The following RBFOX1 variants were observed in gnomAD, a reference collection of about 807,000 sequenced individuals.
The protein encoded by RBFOX1 is RNA binding protein fox-1 homolog 1.
A neutral mutation model predicts 57.7 loss-of-function variants in RBFOX1; 8 were observed. That is an observed-to-expected ratio of 0.14 (90% CI 0.08 to 0.25). The LOEUF (loss-of-function observed/expected upper bound fraction) is 0.25. Ranked by LOEUF, RBFOX1 falls within the 10% of genes least tolerant of loss-of-function variation. The pLI, the probability that RBFOX1 is intolerant of heterozygous loss-of-function variation, is 1.00. For synonymous variants in RBFOX1, 326 were observed against 222.4 expected (o/e 1.47, Z -4.15); for missense variants, 611 against 548.5 (o/e 1.11, Z -1.14).
chr16:5,403,962 G>A (rs989728199), intron 1 of RBFOX1, among the ~76,000 whole-genome samples: 2 of 151,664 alleles, frequency 1.3e-5, no homozygotes, highest in Non-Finnish European at 2.9e-5. Flanking sequence ...GACATGCAAT[G>A]ACAAGAAGGA....
At chr16:5,675,346 T>C (rs967023094) in intron 3 of RBFOX1, among the ~76,000 whole-genome samples, 1 of 152,068 alleles carries the variant, frequency 6.6e-6, no homozygotes, top group African/African-American at 2.4e-5. Flanking sequence ...GAGAGACCAT[T>C]TACTACTGAT....
intron 2 of RBFOX1, among the ~76,000 whole-genome samples, chr16:5,544,871 C>G (rs1196815241): frequency 2.0e-5 from 3 of 147,724 alleles, no homozygotes; most frequent in Non-Finnish European, 4.5e-5. Flanking sequence ...AACCCTATAT[C>G]AAGTTTTAGA....
intron 4 of RBFOX1, among the ~76,000 whole-genome samples, chr16:7,194,677 C>A (rs1000459994): frequency 6.6e-6 from 1 of 152,046 alleles, no homozygotes; most frequent in East Asian, 1.9e-4. Context: ...TCTGTAATCC[C>A]AGCAATTTTA....
At chr16:6,670,396 A>T (rs557460033) in intron 3 of RBFOX1, among the ~76,000 whole-genome samples, 95 of 152,248 alleles carry the variant, frequency 6.2e-4, no homozygotes, top group African/African-American at 2.1e-3. Flanking sequence ...AATTTGATCT[A>T]TTCAGATTGA....
At chr16:5,533,472 T>C (rs534933085) in intron 2 of RBFOX1, among the ~76,000 whole-genome samples, 1 of 152,018 alleles carries the variant, frequency 6.6e-6, no homozygotes. Flanking sequence ...TGAACACACA[T>C]TTTTTTCTGA....
At chr16:7,598,721 C>T (rs1409904388) in intron 9 of RBFOX1, among the ~76,000 whole-genome samples, 1 of 151,984 alleles carries the variant, frequency 6.6e-6, no homozygotes. Context: ...TAAGGATACA[C>T]CTGGCATTTT....
chr16:5,453,177 C>T (rs2068480458), intron 1 of RBFOX1, among the ~76,000 whole-genome samples: 1 of 152,172 alleles, frequency 6.6e-6, no homozygotes, highest in African/African-American at 2.4e-5. Context: ...CAAGCTCCTA[C>T]TGTGTCCCAG....
At chr16:7,510,514 C>G (rs879816455) in intron 4 of RBFOX1, among the ~76,000 whole-genome samples, 2 of 137,724 alleles carry the variant, frequency 1.5e-5, no homozygotes, top group African/African-American at 2.9e-5. Flanking sequence ...TGTGTGTGGG[C>G]GCGCGCGCAC....
At chr16:6,885,614 C>T (rs1334544178) in intron 3 of RBFOX1, among the ~76,000 whole-genome samples, 1 of 152,062 alleles carries the variant, frequency 6.6e-6, no homozygotes, top group Non-Finnish European at 1.5e-5. Context: ...TCACTGCCAC[C>T]TCTGCCTCCT....
rs200231867 is a variant in RBFOX1 at position 5,481,270 on chromosome 16, C to T, written c.258+14016C>T. 1.2e-4 allele frequency among the ~76,000 whole-genome samples: 19 copies of T among 152,314 alleles called. No homozygotes were observed. In the East Asian group the frequency reaches 3.7e-3, roughly 29 times the overall value. On this transcript the variant is annotated intron_variant, in intron 2 of 2. Transcript: ENST00000585867. ...GGTCTTCTCTTGAGCATCTTCACCCCAGCATAATGTCTGGTTTCTTGTTGA... is the reference window on the plus strand; with the variant it reads ...GGTCTTCTCTTGAGCATCTTCACCCTAGCATAATGTCTGGTTTCTTGTTGA...
At chr16:5,315,019 CTG>C (rs2064196829) in intron 1 of RBFOX1, among the ~76,000 whole-genome samples, 1 of 152,130 alleles carries the variant, frequency 6.6e-6, no homozygotes, top group African/African-American at 2.4e-5. Flanking sequence ...TTGGGGGCCT[CTG>C]TGAGATGCCC....
intron 4 of RBFOX1, among the ~76,000 whole-genome samples, chr16:7,168,606 A>G (rs1194036447): frequency 6.6e-6 from 1 of 152,148 alleles, no homozygotes; most frequent in Non-Finnish European, 1.5e-5. Flanking sequence ...CTTGGTTTAC[A>G]TCTCAGTGGA....
At chr16:6,046,360 C>G (rs763063208) in intron 1 of RBFOX1, among the ~76,000 whole-genome samples, 2 of 152,130 alleles carry the variant, frequency 1.3e-5, no homozygotes, top group Non-Finnish European at 1.5e-5. Context: ...ATGATTTACT[C>G]ACATGGGGAG....
At chr16:6,355,297 C>T (rs924479595) in intron 2 of RBFOX1, among the ~76,000 whole-genome samples, 2 of 152,068 alleles carry the variant, frequency 1.3e-5, no homozygotes, top group Admixed American at 1.3e-4. Flanking sequence ...CCCCCAGCCC[C>T]TAACAGGCCC....
chr16:7,057,154 C>A (rs2052585187), intron 4 of RBFOX1, among the ~76,000 whole-genome samples: 1 of 152,108 alleles, frequency 6.6e-6, no homozygotes, highest in Non-Finnish European at 1.5e-5. Flanking sequence ...ACAGAGAACA[C>A]ATATCTACTG....
chr16:5,634,440 T>G (rs1184553855), intron 3 of RBFOX1, among the ~76,000 whole-genome samples: 1 of 152,204 alleles, frequency 6.6e-6, no homozygotes. Context: ...TTTAAGCTAA[T>G]TAATCATTTT....
rs146125055 is a variant in RBFOX1, at chr16:6,642,576, G to A, written c.-63-12027G>A. 8.8e-3 allele frequency among the ~76,000 whole-genome samples: 1,329 copies of A among 151,786 alleles called. 12 individuals are homozygous for A. The highest frequency in any genetic ancestry group is 0.013 in the Non-Finnish European group (892 of 67,998). On this transcript the variant is annotated intron_variant, in intron 2 of 15. Coordinates refer to ENST00000550418, the MANE Select transcript of RBFOX1 (RefSeq NM_018723.4). ...AGATTTTGAGATATGGAAGCCTCTTGTCCTCTCATAACCACACTCCAAAAA... is the reference window on the plus strand; with the variant it reads ...AGATTTTGAGATATGGAAGCCTCTTATCCTCTCATAACCACACTCCAAAAA...
At chr16:6,849,480 C>G (rs1457539931) in intron 3 of RBFOX1, among the ~76,000 whole-genome samples, 1 of 152,052 alleles carries the variant, frequency 6.6e-6, no homozygotes, top group East Asian at 1.9e-4. Context: ...CCAGCCTCGC[C>G]AATATGGCAA....
intron 4 of RBFOX1, among the ~76,000 whole-genome samples, chr16:7,293,692 T>A (rs919064571): frequency 6.6e-6 from 1 of 152,106 alleles, no homozygotes; most frequent in Non-Finnish European, 1.5e-5. Flanking sequence ...CGAGGTGAGA[T>A]TTTTGAGAGC....
Sources: gnomAD v4.1 joint callset for allele counts (sites outside exome capture counted in the v4.1 genomes callset) on GRCh38, gnomAD v4.1.1 for gene constraint, MANE v1.5 for transcripts, NCBI Gene and HGNC (gene_info 2026-07-23, HGNC 2026-07-21) for gene names.